ADAMTS2: variants seen among roughly 807,000 people sequenced by gnomAD.
The protein encoded by ADAMTS2 is ADAM metallopeptidase with thrombospondin type 1 motif 2.
ADAMTS2 carries 50 observed loss-of-function variants against 123.0 expected under a neutral mutation model. That is an observed-to-expected ratio of 0.41 (90% CI 0.32 to 0.51). The LOEUF is 0.51. ADAMTS2 is among the 20% of genes least tolerant of loss of function. The pLI is 0.35. For missense variants in ADAMTS2, 1,494 were observed against 1,705.2 expected (o/e 0.88, Z 2.18); for synonymous variants, 678 against 695.4 (o/e 0.98, Z 0.39).
At chr5:179,271,286 CAGA>C (rs1311041789) in intron 3 of ADAMTS2, among the ~76,000 whole-genome samples, 3 of 152,162 alleles carry the variant, frequency 2.0e-5, no homozygotes, top group Non-Finnish European at 2.9e-5. Flanking sequence ...AATCTGGGAT[CAGA>C]GACATGGCCA....
At position 179,125,016 on chromosome 5, in the gene ADAMTS2, C is replaced by T. The variant is rs370478581; in HGVS notation, c.2915G>A (p.Arg972His). 1.9e-5 allele frequency: 30 copies of T among 1,607,266 alleles called. No individual in the cohort carries two copies. In the East Asian group the frequency reaches 3.4e-4, roughly 18 times the overall value. ...ARPESRRACS[R>H]ELCPGRWRAG... ...TCGCCAACGACCAGGGCAGAGCTCG[C>T]GGCTGCAGGCCCGGCGGCTCTCGGG... Residue 972 changes from arginine (R) to histidine (H), a missense_variant, in exon 19 of 22, where the codon CGC becomes CAC. Coordinates refer to ENST00000251582, the MANE Select transcript of ADAMTS2 (RefSeq NM_014244.5).
chr5:179,156,798 A>G (rs1199257882), intron 6 of ADAMTS2, among the ~76,000 whole-genome samples: 3 of 152,152 alleles, frequency 2.0e-5, no homozygotes, highest in Non-Finnish European at 4.4e-5. Context: ...TTTTAAAAAC[A>G]TGCTTTTCTT....
At chr5:179,299,879 G>A (rs1279930651) in intron 2 of ADAMTS2, among the ~76,000 whole-genome samples, 1 of 151,918 alleles carries the variant, frequency 6.6e-6, no homozygotes, top group African/African-American at 2.4e-5. Context: ...CGGATCACAA[G>A]GTCAGGAGAT....
In ADAMTS2 at chr5:179,307,591, G is replaced by T. The variant is rs1756716194; in HGVS notation, c.535-34527C>A. Among the ~76,000 whole-genome samples the T allele has an allele frequency of 6.6e-6, 1 of 152,114 alleles. No individual in the cohort carries two copies. Among genetic ancestry groups the T allele is most frequent in the Non-Finnish European group, 1.5e-5 (1 of 68,006 alleles). On this transcript the variant is annotated intron_variant, in intron 2 of 21. Coordinates refer to ENST00000251582, the MANE Select transcript of ADAMTS2 (RefSeq NM_014244.5). The surrounding 1 kb of genome is among the most constrained non-coding windows in gnomAD (Gnocchi z 5.6). ...AATCTCTGAAACACGACTCAGACCTGTCACTGCCTGCCCAAAGCCCTCCAG... is the reference window on the plus strand; with the variant it reads ...AATCTCTGAAACACGACTCAGACCTTTCACTGCCTGCCCAAAGCCCTCCAG...
At chr5:179,166,545 C>G (rs1474361446) in intron 5 of ADAMTS2, among the ~76,000 whole-genome samples, 2 of 152,162 alleles carry the variant, frequency 1.3e-5, no homozygotes, top group African/African-American at 4.8e-5. Context: ...CTGGGTAACC[C>G]CACGGGCCTC....
chr5:179,167,082 C>A (rs1221327700), intron 5 of ADAMTS2, among the ~76,000 whole-genome samples: 2 of 152,230 alleles, frequency 1.3e-5, no homozygotes, highest in Middle Eastern at 3.2e-3. Flanking sequence ...CAGGAAGTCA[C>A]CGTCCGCAAG....
At chr5:179,246,737 G>A (rs1363253370) in intron 3 of ADAMTS2, among the ~76,000 whole-genome samples, 1 of 152,224 alleles carries the variant, frequency 6.6e-6, no homozygotes, top group Non-Finnish European at 1.5e-5. Flanking sequence ...AAGACGAGGA[G>A]AGTATTTCTT....
chr5:179,244,265 A>C (rs888387351), intron 3 of ADAMTS2, among the ~76,000 whole-genome samples: 8 of 152,238 alleles, frequency 5.3e-5, no homozygotes, highest in African/African-American at 1.9e-4. Flanking sequence ...AAAATTCTGA[A>C]AGCAGCAAAA....
At position 179,152,166 on chromosome 5, in the gene ADAMTS2, G is replaced by T. The variant is rs765566532; in HGVS notation, c.1605C>A (p.Asp535Glu). 3 of 1,613,934 alleles carry T rather than the reference G, an allele frequency of 1.9e-6. No homozygotes were observed. The highest frequency in any genetic ancestry group is 3.3e-5 in the Admixed American group (2 of 60,014). ...FCKTKKGPPL[D>E]GTMCAPGKHC... Reference sequence around the variant, plus strand: ...CCTTGCCAGGTGCACACATAGTCCCGTCCAAGGGGGGCCCCTTCTTGGTCT... The same window carrying T: ...CCTTGCCAGGTGCACACATAGTCCCTTCCAAGGGGGGCCCCTTCTTGGTCT... The change falls in exon 10 of 22, where the codon GAC (aspartate) becomes GAA (glutamate). Residue 535 changes from aspartate to glutamate, a missense_variant. This residue lies in a region of ADAMTS2 where 953 missense variants were observed against 1,124.7 expected (regional missense o/e 0.85). Transcript: ENST00000251582.
intron 10 of ADAMTS2, among the ~76,000 whole-genome samples, chr5:179,149,255 C>T (rs1297338246): frequency 3.9e-5 from 6 of 152,122 alleles, no homozygotes; most frequent in Non-Finnish European, 8.8e-5. Flanking sequence ...GAGAGAGATG[C>T]CCTCTCTCCC....
chr5:179,214,577 A>G (rs459490), intron 3 of ADAMTS2, among the ~76,000 whole-genome samples: 37,174 of 152,096 alleles, frequency 0.24, 4,597 homozygotes, highest in Non-Finnish European at 0.27. Context: ...AATAACCCGC[A>G]AGAAAGCAGA....
chr5:179,129,359 G>A lies in ADAMTS2; in HGVS notation c.2457+573C>T, dbSNP rs974738604. On this transcript the variant is annotated intron_variant, in intron 16 of 21. Coordinates refer to ENST00000251582, the MANE Select transcript of ADAMTS2 (RefSeq NM_014244.5). The surrounding 1 kb of genome is among the most constrained non-coding windows in gnomAD (Gnocchi z 4.1). ...CCTTAGGGAGGGGCTCCAGAGCATGGGAGCCTTATTTGTGATATGTACCTT... is the reference window on the plus strand; with the variant it reads ...CCTTAGGGAGGGGCTCCAGAGCATGAGAGCCTTATTTGTGATATGTACCTT... 6.6e-6 allele frequency among the ~76,000 whole-genome samples: 1 copy of A among 152,164 alleles called. No individual in the cohort carries two copies. Among genetic ancestry groups the A allele is most frequent in the Admixed American group, 6.5e-5 (1 of 15,276 alleles).
chr5:179,271,701 G>C (rs556656104), intron 3 of ADAMTS2, among the ~76,000 whole-genome samples: 20 of 152,258 alleles, frequency 1.3e-4, no homozygotes, highest in Non-Finnish European at 2.5e-4. Flanking sequence ...AGGGGCCACC[G>C]GTTGCACTGA....
At position 179,223,579 on chromosome 5, in the gene ADAMTS2, CACGCAT is replaced by C. The variant is rs903820131; in HGVS notation, c.689-15870_689-15865del. Reference sequence around the variant, plus strand: ...TCACACACACGCGAATGCACTCGCACACGCATGCACTCACGCGTGAATGCACTCGCA... The same window carrying C: ...TCACACACACGCGAATGCACTCGCACGCACTCACGCGTGAATGCACTCGCA... On this transcript the variant is annotated intron_variant, in intron 3 of 21. Coordinates refer to ENST00000251582, the MANE Select transcript of ADAMTS2 (RefSeq NM_014244.5). Among the ~76,000 whole-genome samples the C allele has an allele frequency of 7.3e-5, 11 of 151,482 alleles. No individual in the cohort carries two copies. The South Asian group carries it at 2.1e-3, about 29-fold the overall frequency.
At chr5:179,216,185 G>A (rs904448718) in intron 3 of ADAMTS2, among the ~76,000 whole-genome samples, 2 of 152,234 alleles carry the variant, frequency 1.3e-5, no homozygotes, top group African/African-American at 2.4e-5. Flanking sequence ...GTGACCCTGA[G>A]GTGATGGCTC....
intron 2 of ADAMTS2, among the ~76,000 whole-genome samples, chr5:179,331,975 C>T (rs113841157): frequency 2.6e-5 from 4 of 152,320 alleles, no homozygotes; most frequent in Middle Eastern, 6.8e-3. Context: ...GCCCCACTTG[C>T]GGTGGCAAGT....
At chr5:179,294,559 C>T (rs1241821186) in intron 2 of ADAMTS2, among the ~76,000 whole-genome samples, 3 of 152,196 alleles carry the variant, frequency 2.0e-5, no homozygotes, top group African/African-American at 7.2e-5. Context: ...TGTGGAGGTC[C>T]GGAATGGTGG....
Position 179,113,812 on chromosome 5 carries a change from TG to T in ADAMTS2, c.*54del. The T allele has an allele frequency of 3.9e-6, 6 of 1,552,322 alleles. No individual in the cohort carries two copies. The highest frequency in any genetic ancestry group is 5.3e-6 in the Non-Finnish European group (6 of 1,124,182). ...CCATGACACAGGATTTGCTATCCCA[TG>T]GAATATCTCTATAAGCAAGAAAAAA... On this transcript the variant is annotated 3_prime_UTR_variant, in exon 22 of 22. Coordinates refer to ENST00000251582, the MANE Select transcript of ADAMTS2 (RefSeq NM_014244.5).
chr5:179,209,117 C>A (rs988062450), intron 3 of ADAMTS2, among the ~76,000 whole-genome samples: 1 of 152,216 alleles, frequency 6.6e-6, no homozygotes, highest in Admixed American at 6.5e-5. Context: ...CACGGCCACT[C>A]GGACAGTGAG....
Sources: gnomAD v4.1 joint callset for allele counts (sites outside exome capture counted in the v4.1 genomes callset) on GRCh38, gnomAD v4.1.1 for gene constraint, gnomAD v4.1.1 regional missense constraint, Gnocchi (gnomAD v3.1) non-coding constraint, MANE v1.5 for transcripts, NCBI Gene and HGNC (gene_info 2026-07-23, HGNC 2026-07-21) for gene names.